DLC1: variants seen among roughly 807,000 people sequenced by gnomAD.
DLC1 encodes the protein rho GTPase-activating protein 7.
A neutral mutation model predicts 140.3 loss-of-function variants in DLC1; 54 were observed. The observed-to-expected ratio is 0.38, with a 90% CI of 0.31 to 0.48. DLC1 has a LOEUF of 0.48. Among genes scored for constraint, DLC1 ranks in the 20% least tolerant of loss-of-function variants. The pLI is 0.96. For missense variants in DLC1, 2,536 were observed against 1,907.0 expected, an observed-to-expected ratio of 1.33 and a Z score of -6.14; for synonymous variants, 986 against 728.1, an observed-to-expected ratio of 1.35 and a Z score of -5.70.
intron 1 of DLC1, among the ~76,000 whole-genome samples, chr8:13,586,722 A>G (rs952704075): frequency 4.6e-5 from 7 of 151,970 alleles, no homozygotes; most frequent in African/African-American, 1.2e-4. Flanking sequence ...AAAACTATGT[A>G]GTACAATATC....
Position 13,499,901 on chromosome 8 carries a change from C to G in DLC1, c.171G>C (p.Lys57Asn), listed in dbSNP as rs771897531. The G allele has an allele frequency of 1.2e-6, 2 of 1,614,130 alleles. No homozygotes were observed. The highest frequency in any genetic ancestry group is 2.2e-5 in the South Asian group (2 of 91,084). Residue 57 changes from lysine (K) to asparagine (N), a missense_variant, in exon 2 of 18, where the codon AAG (lysine) becomes AAC (asparagine). Coordinates refer to ENST00000276297, the MANE Select transcript of DLC1 (RefSeq NM_182643.3). ...GACAGCAGTCAGGTAGTGAAACACA[C>G]TTCTCTTTGCGGTCCACATTTAGAG... ...DATLNVDRKE[K>N]CVSLPDCCHG...
Position 13,122,056 on chromosome 8 carries a change from A to G in DLC1, c.1349-6399T>C, listed in dbSNP as rs78382043. Reference sequence around the variant, plus strand: ...CTTGGATTATCCTAACAGCCTCCTCACGGAACTCTGATAAGCCTCACCCCT... The same window carrying G: ...CTTGGATTATCCTAACAGCCTCCTCGCGGAACTCTGATAAGCCTCACCCCT... On this transcript the variant is annotated intron_variant, in intron 5 of 17. Coordinates refer to ENST00000276297, the MANE Select transcript of DLC1 (RefSeq NM_182643.3). Among the ~76,000 whole-genome samples the G allele has an allele frequency of 4.1e-3, 619 of 152,028 alleles. 11 individuals are homozygous for G. The East Asian group carries it at 0.053, about 13-fold the overall frequency.
intron 5 of DLC1, among the ~76,000 whole-genome samples, chr8:13,192,718 T>A (rs1826830104): frequency 6.6e-6 from 1 of 152,178 alleles, no homozygotes; most frequent in African/African-American, 2.4e-5. Flanking sequence ...AAAATGATGC[T>A]GTTAGGGCAG....
chr8:13,219,808 G>A (rs1419571409), intron 5 of DLC1, among the ~76,000 whole-genome samples: 1 of 152,036 alleles, frequency 6.6e-6, no homozygotes, highest in Non-Finnish European at 1.5e-5. Flanking sequence ...AATTAAATGA[G>A]GTATGTCCAT....
chr8:13,238,410 A>T (rs1331913381), intron 5 of DLC1, among the ~76,000 whole-genome samples: 1 of 151,728 alleles, frequency 6.6e-6, no homozygotes, highest in Non-Finnish European at 1.5e-5. Context: ...CTACAGGGGG[A>T]GGTGAGGCAG....
At chr8:13,351,729 T>G (rs1316060445) in intron 4 of DLC1, among the ~76,000 whole-genome samples, 1 of 152,184 alleles carries the variant, frequency 6.6e-6, no homozygotes, top group South Asian at 2.1e-4. Context: ...TCTGATCCTT[T>G]ATAGAAAAAG....
intron 5 of DLC1, among the ~76,000 whole-genome samples, chr8:13,237,309 C>A (rs1585977544): frequency 7.0e-6 from 1 of 142,502 alleles, no homozygotes; most frequent in South Asian, 2.2e-4. Context: ...ATCATATATA[C>A]ATATATATCA....
intron 5 of DLC1, among the ~76,000 whole-genome samples, chr8:13,179,431 G>C (rs1585851215): frequency 6.6e-6 from 1 of 152,058 alleles, no homozygotes; most frequent in African/African-American, 2.4e-5. Context: ...TTTTAATAAA[G>C]AATTAATGGC....
At chr8:13,560,279 T>TA (rs1004129358) in intron 1 of DLC1, among the ~76,000 whole-genome samples, 36 of 151,544 alleles carry the variant, frequency 2.4e-4, no homozygotes, top group African/African-American at 7.3e-4. Context: ...TGAAAAGAAC[T>TA]AAAAAAAAAC....
At chr8:13,517,940 A>G (rs143490929), upstream of DLC1, among the ~76,000 whole-genome samples, 149 of 152,280 alleles carry the variant, frequency 9.8e-4, no homozygotes, top group Admixed American at 1.6e-3. Context: ...TAATGTTTAC[A>G]TCTCTCTTTC....
At chr8:13,326,134 C>G (rs10112146) in intron 4 of DLC1, among the ~76,000 whole-genome samples, 52,699 of 152,152 alleles carry the variant, frequency 0.35, 9,737 homozygotes, top group Middle Eastern at 0.45. Flanking sequence ...AATTCTCAGA[C>G]AGCATCCCCG....
intron 1 of DLC1, among the ~76,000 whole-genome samples, chr8:13,568,444 C>T (rs1006999880): frequency 9.2e-5 from 14 of 151,992 alleles, no homozygotes; most frequent in South Asian, 2.1e-4. Flanking sequence ...TTTGAAGAAA[C>T]ATTTGATTAT....
chr8:13,539,138 T>C (rs1803398820), intron 1 of DLC1, among the ~76,000 whole-genome samples: 1 of 152,200 alleles, frequency 6.6e-6, no homozygotes, highest in Non-Finnish European at 1.5e-5. Context: ...TTATTGGCAA[T>C]ATTTAATTCT....
At chr8:13,228,580 AT>A (rs768438315) in intron 5 of DLC1, among the ~76,000 whole-genome samples, 355 of 152,148 alleles carry the variant, frequency 2.3e-3, no homozygotes, top group Non-Finnish European at 4.3e-3. Context: ...TACAAAAAAA[AT>A]AAAAATAAAA....
intron 2 of DLC1, among the ~76,000 whole-genome samples, chr8:13,415,731 T>C (rs1372490282): frequency 6.6e-6 from 1 of 151,976 alleles, no homozygotes; most frequent in African/African-American, 2.4e-5. Context: ...TATTTCTTTT[T>C]TACCATTAAG....
At chr8:13,446,160 T>G (rs1798768701) in intron 2 of DLC1, among the ~76,000 whole-genome samples, 5 of 152,136 alleles carry the variant, frequency 3.3e-5, no homozygotes, top group Admixed American at 3.3e-4. Context: ...TTTAACTAGA[T>G]CATATAATTT....
intron 1 of DLC1, among the ~76,000 whole-genome samples, chr8:13,538,641 T>C (rs932187444): frequency 6.6e-6 from 1 of 152,168 alleles, no homozygotes; most frequent in Non-Finnish European, 1.5e-5. Context: ...CCAGTAATCC[T>C]CCTGAAACAC....
At chr8:13,154,327 C>T (rs149782396) in intron 5 of DLC1, among the ~76,000 whole-genome samples, 2,295 of 152,302 alleles carry the variant, frequency 0.015, 22 homozygotes, top group Non-Finnish European at 0.025. Context: ...GGCTGCAGGT[C>T]GGGAGCCCTG....
intron 5 of DLC1, among the ~76,000 whole-genome samples, chr8:13,289,471 C>T (rs1162579149): frequency 6.6e-6 from 1 of 152,148 alleles, no homozygotes; most frequent in African/African-American, 2.4e-5. Flanking sequence ...GGATTATAGA[C>T]AGGTGTCACC....
Sources: gnomAD v4.1 joint callset for allele counts (sites outside exome capture counted in the v4.1 genomes callset) on GRCh38, gnomAD v4.1.1 for gene constraint, MANE v1.5 for transcripts, NCBI Gene and HGNC (gene_info 2026-07-23, HGNC 2026-07-21) for gene names.